Variants in UIMC1 observed in about 807,000 individuals in gnomAD.
UIMC1 encodes the protein BRCA1-A complex subunit RAP80.
UIMC1 carries 42 observed loss-of-function variants against 84.9 expected under a neutral mutation model. The ratio of observed to expected loss-of-function variants is 0.49; its 90% CI spans 0.39 to 0.64. The LOEUF is 0.64. Among genes scored for constraint, UIMC1 ranks in the 30% least tolerant of loss-of-function variants. UIMC1 has a pLI of 0.00. For synonymous variants in UIMC1, 281 were observed against 293.0 expected, an observed-to-expected ratio of 0.96 and a Z score of 0.42; for missense variants, 825 against 847.6, an observed-to-expected ratio of 0.97 and a Z score of 0.33.
intron 1 of UIMC1, among the ~76,000 whole-genome samples, chr5:177,003,377 G>T (rs576151192): frequency 6.6e-6 from 1 of 152,172 alleles, no homozygotes; most frequent in African/African-American, 2.4e-5. Flanking sequence ...AAGGTAGGCC[G>T]GGCGCGGTGG....
intron 10 of UIMC1, among the ~76,000 whole-genome samples, chr5:176,913,647 T>G (rs1439492453): frequency 6.6e-6 from 1 of 152,190 alleles, no homozygotes; most frequent in Non-Finnish European, 1.5e-5. Flanking sequence ...TAAAGGAAAT[T>G]AAGATCCATC....
intron 10 of UIMC1, among the ~76,000 whole-genome samples, chr5:176,933,513 C>A (rs1763364822): frequency 6.7e-6 from 1 of 150,046 alleles, no homozygotes; most frequent in Non-Finnish European, 1.5e-5. Context: ...TTACAAGGCT[C>A]ATTGCTAGTT....
At position 176,943,571 on chromosome 5, in the gene UIMC1, A is replaced by G. The variant is rs968789924; in HGVS notation, c.1444-83T>C. ...CGAACTGCAAGAGACTCCACCCCAT[A>G]TTTCACTTACTTTCAAAGAGACAAC... On this transcript the variant is annotated intron_variant, in intron 9 of 14. Transcript: ENST00000511320. 257 of 1,498,308 alleles carry G rather than the reference A, an allele frequency of 1.7e-4. 1 individual carries two copies. Among genetic ancestry groups the G allele is most frequent in the African/African-American group, 3.1e-4 (22 of 71,284 alleles). The allele number at this position is 1,498,308 out of a possible 1,614,324, so 92.8% of individuals were successfully genotyped here.
chr5:176,932,630 GAATA>G (rs1201146167), intron 10 of UIMC1, among the ~76,000 whole-genome samples: 3 of 152,148 alleles, frequency 2.0e-5, no homozygotes, highest in Non-Finnish European at 4.4e-5. Context: ...CTACCAGAAA[GAATA>G]AATATAGCAA....
chr5:176,943,121 CT>C (rs1764648503), intron 10 of UIMC1, among the ~76,000 whole-genome samples: 1 of 152,100 alleles, frequency 6.6e-6, no homozygotes, highest in African/African-American at 2.4e-5. Flanking sequence ...TTCCCTTCCC[CT>C]TCTCCTGAGG....
chr5:176,913,005 C>G lies in UIMC1; in HGVS notation c.1598-1616G>C, dbSNP rs142468369. On this transcript the variant is annotated intron_variant, in intron 10 of 14. Coordinates refer to ENST00000511320, the MANE Select transcript of UIMC1 (RefSeq NM_001199298.2). ...TCTTTTCACTGAGGGAAATTCACTT[C>G]CCCCTAGGGAAATCCATTCTAATTG... Among the ~76,000 whole-genome samples, 759 of 152,260 alleles carry G rather than the reference C, an allele frequency of 5.0e-3. 8 individuals are homozygous for G. Among genetic ancestry groups the G allele is most frequent in the African/African-American group, 0.015 (617 of 41,542 alleles).
intron 1 of UIMC1, among the ~76,000 whole-genome samples, chr5:177,005,516 G>C (rs189231852): frequency 5.9e-5 from 9 of 151,892 alleles, no homozygotes; most frequent in Admixed American, 4.6e-4. Context: ...TTTAGGACAA[G>C]TGTGTAACAA....
At chr5:176,937,684 C>T (rs1056158668) in intron 10 of UIMC1, among the ~76,000 whole-genome samples, 6 of 152,086 alleles carry the variant, frequency 3.9e-5, no homozygotes, top group Non-Finnish European at 8.8e-5. Context: ...TTGTGCTGCA[C>T]GGTAAGTAGG....
intron 10 of UIMC1, among the ~76,000 whole-genome samples, chr5:176,930,052 T>C (rs1320378251): frequency 6.6e-6 from 1 of 152,226 alleles, no homozygotes; most frequent in Non-Finnish European, 1.5e-5. Context: ...AACAGAAACA[T>C]ACAATTCTTT....
intron 1 of UIMC1, among the ~76,000 whole-genome samples, chr5:177,016,167 C>T (rs1298425824): frequency 1.3e-5 from 2 of 151,580 alleles, no homozygotes; most frequent in East Asian, 3.9e-4. Context: ...GAGTTTAAGA[C>T]CAGCCTGACC....
At chr5:177,012,234 C>G (rs779151252) in intron 1 of UIMC1, among the ~76,000 whole-genome samples, 1 of 152,158 alleles carries the variant, frequency 6.6e-6, no homozygotes, top group Non-Finnish European at 1.5e-5. Context: ...CCAGAACATT[C>G]ACAACCAAAT....
At chr5:176,914,740 G>A (rs970549751) in intron 10 of UIMC1, among the ~76,000 whole-genome samples, 2 of 152,126 alleles carry the variant, frequency 1.3e-5, no homozygotes, top group South Asian at 2.1e-4. Context: ...AACTAGAAGC[G>A]GGGAATCAGA....
chr5:176,938,281 C>A (rs73804284), intron 10 of UIMC1, among the ~76,000 whole-genome samples: 14,709 of 140,028 alleles, frequency 0.11, 1,493 homozygotes, highest in African/African-American at 0.27. Context: ...GATTTTAAAA[C>A]TAGGTTGGGA....
intron 1 of UIMC1, among the ~76,000 whole-genome samples, chr5:177,020,310 G>A (rs78884807): frequency 1.3e-5 from 2 of 152,140 alleles, no homozygotes; most frequent in East Asian, 3.9e-4. Context: ...CATTAATCAG[G>A]TCTTAGCTCA....
intron 8 of UIMC1, among the ~76,000 whole-genome samples, chr5:176,953,710 A>G (rs1372687436): frequency 6.6e-6 from 1 of 152,220 alleles, no homozygotes; most frequent in Non-Finnish European, 1.5e-5. Flanking sequence ...TCCAACTAAG[A>G]GGGCATTAGC....
chr5:176,921,057 T>A (rs1024723286), intron 10 of UIMC1, among the ~76,000 whole-genome samples: 29 of 152,256 alleles, frequency 1.9e-4, no homozygotes, highest in Non-Finnish European at 2.5e-4. Flanking sequence ...TGTCCTTTGT[T>A]CTATGATACA....
chr5:176,950,422 G>A lies in UIMC1; in HGVS notation c.1443+1052C>T, dbSNP rs148664348. On this transcript the variant is annotated intron_variant, in intron 9 of 14. Coordinates refer to ENST00000511320, the MANE Select transcript of UIMC1 (RefSeq NM_001199298.2). ...CAAAAAGGAACCTTTCTTACAGTGC[G>A]CAGGATAAGAAAGTATACACCAATG... Among the ~76,000 whole-genome samples the A allele has an allele frequency of 7.6e-4, 116 of 151,910 alleles. 3 individuals carry two copies. In the East Asian group the frequency reaches 0.022, roughly 28 times the overall value.
intron 6 of UIMC1, among the ~76,000 whole-genome samples, chr5:176,967,615 T>G (rs1768494728): frequency 6.6e-6 from 1 of 152,124 alleles, no homozygotes; most frequent in African/African-American, 2.4e-5. Flanking sequence ...ATAATAATAA[T>G]TTTTAGACCA....
intron 6 of UIMC1, among the ~76,000 whole-genome samples, chr5:176,966,287 C>T (rs1768286020): frequency 6.6e-6 from 1 of 152,146 alleles, no homozygotes; most frequent in African/African-American, 2.4e-5. Flanking sequence ...AAATAACTGT[C>T]GAAAGATAGG....
Sources: gnomAD v4.1 joint callset for allele counts (sites outside exome capture counted in the v4.1 genomes callset) on GRCh38, gnomAD v4.1.1 for gene constraint, MANE v1.5 for transcripts, NCBI Gene and HGNC (gene_info 2026-07-23, HGNC 2026-07-21) for gene names.